The following SLC13A3 variants were observed in gnomAD, a reference collection of about 807,000 sequenced individuals.
SLC13A3 encodes the protein Na(+)/dicarboxylate cotransporter 3.
Under a neutral mutation model 59.0 loss-of-function variants are expected in SLC13A3, and 40 were observed. The ratio of observed to expected loss-of-function variants is 0.68; its 90% CI spans 0.53 to 0.88. SLC13A3 has a LOEUF of 0.88. SLC13A3 is among the 40% of genes least tolerant of loss of function. The pLI is 0.00. For missense variants in SLC13A3, 699 were observed against 783.2 expected (o/e 0.89, Z 1.28); for synonymous variants, 317 against 330.3 (o/e 0.96, Z 0.44).
chr20:46,666,478 G>A (rs942746540), intron 1 of SLC13A3, among the ~76,000 whole-genome samples: 1 of 120,944 alleles, frequency 8.3e-6, no homozygotes, highest in African/African-American at 4.4e-5. Context: ...TTGCTTTGTT[G>A]TTGTTGTTGT....
intron 3 of SLC13A3, among the ~76,000 whole-genome samples, chr20:46,606,051 A>G (rs762817258): frequency 2.0e-5 from 3 of 152,250 alleles, no homozygotes; most frequent in Admixed American, 6.5e-5. Flanking sequence ...CATTTATTGA[A>G]CATCTACTAT....
intron 3 of SLC13A3, chr20:46,608,984 C>G: frequency 1.3e-6 from 2 of 1,550,774 alleles, no homozygotes; most frequent in Non-Finnish European, 1.7e-6. Context: ...ACTCAGTTAT[C>G]TGACCAAGTC....
At chr20:46,651,244 T>C (rs1344665946) in intron 1 of SLC13A3, 67 bp downstream of exon 1, 6 of 1,412,644 alleles carry the variant, frequency 4.2e-6, no homozygotes, top group Non-Finnish European at 1.8e-6. Flanking sequence ...TCTCCCAACT[T>C]GGAGGCTTGG....
chr20:46,682,246 TA>T (rs956838983), intron 1 of SLC13A3: 10 of 152,224 alleles, frequency 6.6e-5, no homozygotes, highest in Non-Finnish European at 1.5e-4. Context: ...GATTTGTAAA[TA>T]AAGTTTTATT....
At chr20:46,663,461 T>C (rs558744964) in intron 1 of SLC13A3, among the ~76,000 whole-genome samples, 105 of 150,802 alleles carry the variant, frequency 7.0e-4, no homozygotes, top group Non-Finnish European at 1.3e-3. Context: ...AAAAAAAAAG[T>C]TGGGGGGCTT....
rs746537699 is a variant in SLC13A3, at chr20:46,610,540, G to T, written c.447C>A (p.Ala149=). Residue 149 remains alanine, a synonymous_variant, in exon 3 of 13, where the codon GCC becomes GCA. Coordinates refer to ENST00000279027, the MANE Select transcript of SLC13A3 (RefSeq NM_022829.6). ...TGGCATTGGCAATGGGAAGCATCAT[G>T]GCAGTGGAGGCGGTGTTGCTCAGCC... The part of the protein sequence containing the change: ...SMWLSNTAST[A]MMLPIANAIL... 5.0e-6 allele frequency: 8 copies of T among 1,614,108 alleles called. 1 individual carries two copies. Among genetic ancestry groups the T allele is most frequent in the South Asian group, 4.4e-5 (4 of 91,074 alleles).
chr20:46,640,259 T>C (rs1388265044), intron 1 of SLC13A3, among the ~76,000 whole-genome samples: 4 of 151,916 alleles, frequency 2.6e-5, no homozygotes, highest in African/African-American at 7.3e-5. Context: ...CTGAGTACAG[T>C]GGAAATCGAA....
At chr20:46,611,235 G>A (rs1278729316) in intron 2 of SLC13A3, among the ~76,000 whole-genome samples, 3 of 152,228 alleles carry the variant, frequency 2.0e-5, no homozygotes, top group East Asian at 3.9e-4. Flanking sequence ...TCGGATTTGG[G>A]TTTCCTATAG....
rs764108203 is a variant in SLC13A3, at chr20:46,651,439, G to C, written c.-18C>G. 8.2e-6 allele frequency: 12 copies of C among 1,466,078 alleles called. No individual in the cohort carries two copies. The Admixed American group carries it at 9.5e-5, about 12-fold the overall frequency. 90.8% of individuals were successfully genotyped at this position (1,466,078 alleles called of 1,614,324 possible). A position where few individuals can be genotyped will look rare whatever the true frequency, so the allele number is the denominator to read the frequency against. On this transcript the variant is annotated 5_prime_UTR_variant, in exon 1 of 13. Transcript: ENST00000279027. ...GCCGCCATCAGCGCGATCGCCTGGCGGTACGGGCCGGCCCGGGACTGCCCC... is the reference window on the plus strand; with the variant it reads ...GCCGCCATCAGCGCGATCGCCTGGCCGTACGGGCCGGCCCGGGACTGCCCC...
At chr20:46,583,276 T>C in intron 9 of SLC13A3, 1 of 730,138 alleles carries the variant, frequency 1.4e-6, no homozygotes, top group Non-Finnish European at 1.8e-6. Context: ...AAAATGTTTT[T>C]CTTTTGGTTT....
At chr20:46,617,259 G>A (rs2062565365) in intron 1 of SLC13A3, among the ~76,000 whole-genome samples, 1 of 152,142 alleles carries the variant, frequency 6.6e-6, no homozygotes, top group African/African-American at 2.4e-5. Flanking sequence ...CACATTTTAT[G>A]CCCTGGGCTG....
At chr20:46,588,494 G>A (rs765967803) in intron 7 of SLC13A3, among the ~76,000 whole-genome samples, 6 of 152,072 alleles carry the variant, frequency 3.9e-5, no homozygotes, top group African/African-American at 1.2e-4. Context: ...GACAGAGTCC[G>A]AAAAGCAGAG....
At chr20:46,630,104 C>G (rs1163123401) in intron 1 of SLC13A3, among the ~76,000 whole-genome samples, 1 of 152,208 alleles carries the variant, frequency 6.6e-6, no homozygotes, top group African/African-American at 2.4e-5. Context: ...AACATGGACC[C>G]AGAACATGCC....
chr20:46,675,406 T>C (rs1216112565), intron 1 of SLC13A3, among the ~76,000 whole-genome samples: 1 of 114,538 alleles, frequency 8.7e-6, no homozygotes, highest in Non-Finnish European at 1.7e-5. Flanking sequence ...ATTTTTTTTC[T>C]TTTTTTTTTT....
upstream of SLC13A3, among the ~76,000 whole-genome samples, chr20:46,672,497 C>T (rs557360916): frequency 1.5e-3 from 228 of 152,322 alleles, 1 homozygote; most frequent in African/African-American, 3.6e-3. Flanking sequence ...CTCCTTCATG[C>T]GGCTTCCCAT....
chr20:46,640,669 G>A (rs1043890911), intron 1 of SLC13A3, among the ~76,000 whole-genome samples: 6 of 152,174 alleles, frequency 3.9e-5, no homozygotes, highest in East Asian at 1.9e-4. Context: ...ATCACTTGCC[G>A]GGAAGTGGTG....
intron 3 of SLC13A3, among the ~76,000 whole-genome samples, chr20:46,603,826 C>A (rs2062407213): frequency 6.6e-6 from 1 of 151,712 alleles, no homozygotes; most frequent in Non-Finnish European, 1.5e-5. Flanking sequence ...ATGTGGAGGG[C>A]CATGCTTTGT....
rs889915633 is a variant in SLC13A3 at position 46,596,183 on chromosome 20, G to A, written c.768C>T (p.Asn256=). ...TCTTGAGCTGGCCAAGCAGGATGAG[G>A]TTAGGGGCTGTGCCCGTGAGTGTGG... is the stretch of plus-strand genomic sequence containing the variant. ...GTATLTGTAP[N]LILLGQLKSF... Residue 256 remains asparagine (N), a synonymous_variant, in exon 5 of 13, where the codon AAC becomes AAT. Transcript: ENST00000279027. The A allele has an allele frequency of 1.2e-6, 2 of 1,613,960 alleles. No individual in the cohort carries two copies. The highest frequency in any genetic ancestry group is 1.7e-5 in the Admixed American group (1 of 60,024).
chr20:46,668,221 G>A (rs910542846), intron 1 of SLC13A3, among the ~76,000 whole-genome samples: 22 of 152,226 alleles, frequency 1.4e-4, no homozygotes, highest in Admixed American at 5.9e-4. Context: ...AGGAAGGCAC[G>A]TCGAAAGCCA....
Sources: allele counts gnomAD v4.1 joint callset (sites outside exome capture counted in the v4.1 genomes callset), GRCh38; gene constraint gnomAD v4.1.1; transcripts MANE v1.5; gene names NCBI Gene and HGNC (gene_info 2026-07-23, HGNC 2026-07-21).